ABCC8: variants seen among roughly 807,000 people sequenced by gnomAD.
ABCC8 encodes ATP-binding cassette sub-family C member 8.
In ABCC8, 137 loss-of-function variants were observed where a neutral mutation model predicts 188.0. That is an observed-to-expected ratio of 0.73 (90% CI 0.63 to 0.84). The LOEUF is 0.84. Among genes scored for constraint, ABCC8 ranks in the 40% least tolerant of loss-of-function variants. ABCC8 has a pLI of 0.00. For missense variants in ABCC8, 1,750 were observed against 2,072.7 expected, an observed-to-expected ratio of 0.84 and a Z score of 3.02; for synonymous variants, 797 against 846.5, an observed-to-expected ratio of 0.94 and a Z score of 1.01.
intron 23 of ABCC8, 72 bp from the exon 24 acceptor site, chr11:17,407,525 TA>T: frequency 1.2e-6 from 2 of 1,605,332 alleles, no homozygotes; most frequent in Middle Eastern, 1.7e-4. Flanking sequence ...AGTTAAGGGG[TA>T]ACTACTCTGG....
chr11:17,397,317 TG>T lies in ABCC8; in HGVS notation c.3868-5del. 2 of 1,610,464 alleles carry T rather than the reference TG, an allele frequency of 1.2e-6. No homozygotes were observed. Reference sequence around the variant, plus strand: ...TCCAGTTGAGGTAGTTGGAGACCTGTGGGGAGCAAGCCAGTGGCGCACACTC... The same window carrying T: ...TCCAGTTGAGGTAGTTGGAGACCTGTGGGAGCAAGCCAGTGGCGCACACTC... On this transcript the variant is annotated splice_polypyrimidine_tract_variant and splice_region_variant and intron_variant, in intron 31 of 38. Coordinates refer to ENST00000389817, the MANE Select transcript of ABCC8 (RefSeq NM_000352.6).
intron 3 of ABCC8, among the ~76,000 whole-genome samples, chr11:17,468,531 G>T (rs559186376): frequency 2.6e-5 from 4 of 152,098 alleles, no homozygotes; most frequent in Admixed American, 2.6e-4. Context: ...CTAGACTCCC[G>T]GCTGTGCCCC....
At chr11:17,453,606 A>G (rs1956890924) in intron 6 of ABCC8, among the ~76,000 whole-genome samples, 1 of 152,194 alleles carries the variant, frequency 6.6e-6, no homozygotes, top group African/African-American at 2.4e-5. Context: ...TGAATGGGGC[A>G]AGAATAAATA....
At position 17,430,903 on chromosome 11, in the gene ABCC8, G is replaced by A; in HGVS notation, c.1728C>T (p.Ala576=). 1 of 1,614,258 alleles carries A rather than the reference G, an allele frequency of 6.2e-7. No individual in the cohort carries two copies. Among genetic ancestry groups the A allele is most frequent in the Non-Finnish European group, 8.5e-7 (1 of 1,180,046 alleles). ...TATGGAAGAGGGAGAGGGAGGCAAA[G>A]GCCACGGAGGGCGAGAAGTCGGCCT... ...FKEADFSPSV[A]FASLSLFHIL... The change falls in exon 12 of 39, where the codon GCC becomes GCT. Residue 576 remains alanine, a synonymous_variant. Transcript: ENST00000389817.
At chr11:17,452,649 G>A (rs2133639839) in intron 7 of ABCC8, among the ~76,000 whole-genome samples, 1 of 152,286 alleles carries the variant, frequency 6.6e-6, no homozygotes, top group African/African-American at 2.4e-5. Context: ...ACAGGCCATG[G>A]ACCAATACCC....
intron 16 of ABCC8, among the ~76,000 whole-genome samples, chr11:17,421,899 C>G (rs1259734377): frequency 6.6e-6 from 1 of 152,230 alleles, no homozygotes; most frequent in Non-Finnish European, 1.5e-5. Flanking sequence ...AACTTCCTGC[C>G]TTGTGCCTCC....
rs77832494 is a variant in ABCC8, at chr11:17,435,799, A to G, written c.1631-3555T>C. ...CATCAAGTGTCAGACCCCATTCCAGATATGATACATGAGAGGGAAGATGAG... is the reference window on the plus strand; with the variant it reads ...CATCAAGTGTCAGACCCCATTCCAGGTATGATACATGAGAGGGAAGATGAG... On this transcript the variant is annotated intron_variant, in intron 10 of 38. Coordinates refer to ENST00000389817, the MANE Select transcript of ABCC8 (RefSeq NM_000352.6). 1,377 of 1,295,418 alleles carry G rather than the reference A, an allele frequency of 1.1e-3. 11 individuals are homozygous for G. The African/African-American group carries it at 0.017, about 16-fold the overall frequency. The allele number at this position is 1,295,418 out of a possible 1,614,324, so 80.2% of individuals were successfully genotyped here.
At chr11:17,411,716 C>T (rs971877334) in intron 21 of ABCC8, among the ~76,000 whole-genome samples, 6 of 152,058 alleles carry the variant, frequency 3.9e-5, no homozygotes, top group African/African-American at 2.4e-5. Context: ...TAGTTTATGC[C>T]GCACAGTTTG....
intron 10 of ABCC8, chr11:17,436,027 A>C: frequency 7.9e-7 from 1 of 1,262,004 alleles, no homozygotes; most frequent in Non-Finnish European, 1.2e-6. Flanking sequence ...GTGGGGAGAT[A>C]TGGGACAGTT....
chr11:17,442,722 G>A lies in ABCC8; in HGVS notation c.1628C>T (p.Ser543Phe). ...CTGGCTGTGTGGGGTGAACTCACTG[G>A]AGATGGAGGTATAGATGGCAAAGGC... ...LRAFAIYTSI[S>F]IFMNTAIPIA... The change falls in exon 10 of 39, where the codon TCC becomes TTC. Residue 543 changes from serine (S) to phenylalanine (F), a missense_variant and splice_region_variant. Ser to Phe is a radical substitution (Grantham distance 155). Transcript: ENST00000389817. 6.2e-7 allele frequency: 1 copy of A among 1,613,514 alleles called. No homozygotes were observed. The highest frequency in any genetic ancestry group is 8.5e-7 in the Non-Finnish European group (1 of 1,180,020).
chr11:17,469,994 C>T lies in ABCC8; in HGVS notation c.412+107G>A, dbSNP rs1848389376. The T allele has an allele frequency of 2.8e-6, 4 of 1,442,922 alleles. 1 individual carries two copies. The highest frequency in any genetic ancestry group is 1.8e-5 in the Admixed American group (1 of 56,242). 89.4% of individuals were successfully genotyped at this position (1,442,922 alleles called of 1,614,324 possible). A position where few individuals can be genotyped will look rare whatever the true frequency, so the allele number is the denominator to read the frequency against. On this transcript the variant is annotated intron_variant, in intron 3 of 38. Transcript: ENST00000389817. ...CAGGGATTTTTTTCTTTTTCTATTC[C>T]AAATCTCTACTGTTTAGAGCAATAG... is the stretch of plus-strand genomic sequence containing the variant.
At chr11:17,440,855 G>C (rs1956287657) in intron 10 of ABCC8, among the ~76,000 whole-genome samples, 2 of 152,178 alleles carry the variant, frequency 1.3e-5, no homozygotes, top group Admixed American at 1.3e-4. Flanking sequence ...GACATGCCTT[G>C]GTGCCCATGT....
chr11:17,421,680 A>G (rs940591503), intron 16 of ABCC8, among the ~76,000 whole-genome samples: 1 of 152,214 alleles, frequency 6.6e-6, no homozygotes, highest in African/African-American at 2.4e-5. Flanking sequence ...CCTCACATCA[A>G]TCTCATGGGT....
chr11:17,400,121 C>G (rs1036838889), intron 29 of ABCC8, among the ~76,000 whole-genome samples: 3 of 152,218 alleles, frequency 2.0e-5, no homozygotes, highest in Non-Finnish European at 4.4e-5. Context: ...GCTTTTCACC[C>G]TGGAAGGTGT....
At chr11:17,428,796 C>T in intron 12 of ABCC8, 126 bp from the exon 13 acceptor site, 2 of 1,520,274 alleles carry the variant, frequency 1.3e-6, no homozygotes, top group Non-Finnish European at 1.8e-6. Context: ...AAAGCCCACA[C>T]TGAAGGGGGC....
chr11:17,414,505 C>T lies in ABCC8; in HGVS notation c.2390+7G>A, dbSNP rs1281849523. 1 of 1,614,200 alleles carries T rather than the reference C, an allele frequency of 6.2e-7. No homozygotes were observed. Among genetic ancestry groups the T allele is most frequent in the Admixed American group, 1.7e-5 (1 of 60,024 alleles). On this transcript the variant is annotated splice_region_variant and intron_variant, in intron 19 of 38. Transcript: ENST00000389817. The stretch of plus-strand genomic sequence containing the variant: ...CCACATCCTGCCTCCCTCCGACAGG[C>T]TTTTACCGTTGTTTGTTGAAGGGAC...
chr11:17,450,933 C>T (rs540660588), intron 7 of ABCC8, among the ~76,000 whole-genome samples: 18 of 151,914 alleles, frequency 1.2e-4, no homozygotes, highest in East Asian at 9.7e-4. Context: ...GTGATCCACC[C>T]GCCTCAGCCT....
In ABCC8 at chr11:17,476,248, G is replaced by C. The variant is rs751944274; in HGVS notation, c.148+381C>G. 3.9e-5 allele frequency among the ~76,000 whole-genome samples: 6 copies of C among 152,226 alleles called. No individual in the cohort carries two copies. In the South Asian group the frequency reaches 1.0e-3, roughly 26 times the overall value. ...GCGGCTGACAGGGAGGCTGCCTTGC[G>C]GGAGGGGTGACCCGGCTCCCTAAGC... On this transcript the variant is annotated intron_variant, in intron 1 of 38. Transcript: ENST00000389817.
rs1439464815 is a variant in ABCC8 at position 17,393,697 on chromosome 11, C to T, written c.4608G>A (p.Ala1536=). 6 of 1,614,108 alleles carry T rather than the reference C, an allele frequency of 3.7e-6. No individual in the cohort carries two copies. Among genetic ancestry groups the T allele is most frequent in the African/African-American group, 1.3e-5 (1 of 74,946 alleles). ...TGCACCCCATCAATGGGCCCCTTAC[C>T]GCGATGGTGACCACAGTGCGGTCTG... ...AFADRTVVTI[A]HRVHTILSAD... is the part of the protein sequence containing the mutation. The change falls in exon 38 of 39, where the codon GCG becomes GCA. Residue 1536 remains alanine, a splice_region_variant and synonymous_variant. Coordinates refer to ENST00000389817, the MANE Select transcript of ABCC8 (RefSeq NM_000352.6).
Sources: allele counts gnomAD v4.1 joint callset (sites outside exome capture counted in the v4.1 genomes callset), GRCh38; gene constraint gnomAD v4.1.1; transcripts MANE v1.5; gene names NCBI Gene and HGNC (gene_info 2026-07-23, HGNC 2026-07-21).